The following HSD17B12 variants were observed in gnomAD, a reference collection of about 807,000 sequenced individuals.
The protein encoded by HSD17B12 is hydroxysteroid 17-beta dehydrogenase 12.
Under a neutral mutation model 39.3 loss-of-function variants are expected in HSD17B12, and 32 were observed. That is an observed-to-expected ratio of 0.81 (90% CI 0.61 to 1.09). The LOEUF (loss-of-function observed/expected upper bound fraction) is 1.09. Ranked by LOEUF, HSD17B12 falls within the 50% of genes least tolerant of loss-of-function variation. The pLI is 0.00. For synonymous variants in HSD17B12, 150 were observed against 146.7 expected (o/e 1.02, Z -0.16); for missense variants, 342 against 382.9 (o/e 0.89, Z 0.89).
At chr11:43,658,443 C>T in the HSD17B12 span, among the ~76,000 whole-genome samples, 90 of 152,278 alleles carry the variant, frequency 5.9e-4, no homozygotes, top group African/African-American at 2.1e-3. Context: ...TGAGGAGCTG[C>T]GTTTCTTTGG....
At chr11:43,798,954 C>G (rs1188119763) in intron 4 of HSD17B12, among the ~76,000 whole-genome samples, 1 of 151,870 alleles carries the variant, frequency 6.6e-6, no homozygotes, top group Non-Finnish European at 1.5e-5. Flanking sequence ...TCTTTTCTCC[C>G]CAGTATTTTT....
chr11:43,712,479 C>T (rs1950076666), intron 1 of HSD17B12, among the ~76,000 whole-genome samples: 2 of 151,988 alleles, frequency 1.3e-5, no homozygotes, highest in African/African-American at 4.8e-5. Flanking sequence ...TTATCTTAAC[C>T]CAGAGATTTT....
At chr11:43,744,008 T>C (rs985863430) in intron 1 of HSD17B12, among the ~76,000 whole-genome samples, 3 of 152,170 alleles carry the variant, frequency 2.0e-5, no homozygotes, top group African/African-American at 4.8e-5. Context: ...AGTCGGAATA[T>C]GGAAGATTCT....
At chr11:43,698,663 T>G (rs567621718) in intron 1 of HSD17B12, among the ~76,000 whole-genome samples, 1 of 152,316 alleles carries the variant, frequency 6.6e-6, no homozygotes, top group South Asian at 2.1e-4. Flanking sequence ...TCAAATGTGT[T>G]CAAAAATCCC....
the HSD17B12 span, among the ~76,000 whole-genome samples, chr11:43,589,488 T>C: frequency 6.6e-6 from 1 of 152,186 alleles, no homozygotes; most frequent in Admixed American, 6.5e-5. Context: ...AAAAAATATT[T>C]TTGTTTTTGT....
chr11:43,827,835 T>C (rs1014720623), intron 6 of HSD17B12, among the ~76,000 whole-genome samples: 15 of 152,362 alleles, frequency 9.8e-5, no homozygotes, highest in African/African-American at 3.6e-4. Flanking sequence ...GTAAATATTT[T>C]ACTCTTGACA....
At chr11:43,742,527 T>C (rs1029309377) in intron 1 of HSD17B12, among the ~76,000 whole-genome samples, 1 of 152,210 alleles carries the variant, frequency 6.6e-6, no homozygotes, top group Non-Finnish European at 1.5e-5. Context: ...AGTAGGACTT[T>C]TTCTTTCATA....
the HSD17B12 span, among the ~76,000 whole-genome samples, chr11:43,604,150 G>A: frequency 6.6e-6 from 1 of 152,008 alleles, no homozygotes. Context: ...AATATGCACT[G>A]TACCTGAACA....
At chr11:43,653,323 T>A in the HSD17B12 span, among the ~76,000 whole-genome samples, 178 of 152,212 alleles carry the variant, frequency 1.2e-3, no homozygotes, top group Middle Eastern at 3.4e-3. Context: ...AACCTAAACA[T>A]AAGAACTAAA....
At chr11:43,738,009 C>T (rs1950332088) in intron 1 of HSD17B12, among the ~76,000 whole-genome samples, 1 of 146,132 alleles carries the variant, frequency 6.8e-6, no homozygotes, top group Non-Finnish European at 1.5e-5. Flanking sequence ...GCAGGCGGAG[C>T]TTGCAGTGAG....
the HSD17B12 span, among the ~76,000 whole-genome samples, chr11:43,616,490 C>T: frequency 6.6e-6 from 1 of 150,446 alleles, no homozygotes; most frequent in South Asian, 2.1e-4. Context: ...ATTTTAAACT[C>T]TTACAATATT....
Position 43,831,708 on chromosome 11 carries a change from T to C in HSD17B12, c.536+698T>C, listed in dbSNP as rs1014755317. ...AAAGATTTGGGCTTGCATCCTGAGC[T>C]AGCTCGATCATTTGCTGAATTTAGG... On this transcript the variant is annotated intron_variant, in intron 7 of 10. Transcript: ENST00000278353. This position sits in a 1 kb window ranked among gnomAD's most constrained non-coding sequence, Gnocchi z 4.1. 15 of 152,244 alleles carry C rather than the reference T, an allele frequency of 9.9e-5. No individual in the cohort carries two copies. Among genetic ancestry groups the C allele is most frequent in the African/African-American group, 3.1e-4 (13 of 41,468 alleles). 9.4% of individuals were successfully genotyped at this position (152,244 alleles called of 1,614,324 possible).
chr11:43,659,246 G>A, the HSD17B12 span, among the ~76,000 whole-genome samples: 23 of 152,202 alleles, frequency 1.5e-4, no homozygotes, highest in African/African-American at 2.2e-4. Flanking sequence ...TCGGAAGAGC[G>A]CAGTATTAGG....
chr11:43,738,626 G>A (rs1025170446), intron 1 of HSD17B12, among the ~76,000 whole-genome samples: 3 of 152,180 alleles, frequency 2.0e-5, no homozygotes, highest in African/African-American at 7.2e-5. Flanking sequence ...GTCATAAAAG[G>A]TTAGTTTTCC....
At chr11:43,842,931 A>G (rs548367626) in intron 9 of HSD17B12, among the ~76,000 whole-genome samples, 106 of 152,318 alleles carry the variant, frequency 7.0e-4, no homozygotes, top group African/African-American at 2.5e-3. Context: ...CATTCTCACA[A>G]CTTGTTTCCC....
the HSD17B12 span, among the ~76,000 whole-genome samples, chr11:43,588,610 C>CTAT: frequency 0.035 from 5,097 of 144,940 alleles, 142 homozygotes; most frequent in African/African-American, 0.073. Flanking sequence ...TTATTATTAG[C>CTAT]TATTATTATT....
At chr11:43,648,059 A>G in the HSD17B12 span, among the ~76,000 whole-genome samples, 4 of 152,184 alleles carry the variant, frequency 2.6e-5, no homozygotes, top group Admixed American at 6.5e-5. Context: ...GCAAGATCGT[A>G]TGCATATGTC....
intron 1 of HSD17B12, among the ~76,000 whole-genome samples, chr11:43,691,309 G>A (rs1235577492): frequency 6.6e-6 from 1 of 152,136 alleles, no homozygotes; most frequent in East Asian, 1.9e-4. Context: ...ATTTTCACCA[G>A]CAGCCCAAAT....
At chr11:43,773,181 A>G (rs1306457825) in intron 3 of HSD17B12, among the ~76,000 whole-genome samples, 1 of 152,208 alleles carries the variant, frequency 6.6e-6, no homozygotes, top group Non-Finnish European at 1.5e-5. Flanking sequence ...TTTATTAAGA[A>G]CATTTTATCT....
Sources: gnomAD v4.1 joint callset for allele counts (sites outside exome capture counted in the v4.1 genomes callset) on GRCh38, gnomAD v4.1.1 for gene constraint, Gnocchi (gnomAD v3.1) non-coding constraint, MANE v1.5 for transcripts, NCBI Gene and HGNC (gene_info 2026-07-23, HGNC 2026-07-21) for gene names.